Variants in PAX2 observed in about 807,000 individuals in gnomAD.
PAX2 encodes paired box 2, also known as paired box protein Pax-2.
A neutral mutation model predicts 41.7 loss-of-function variants in PAX2; 9 were observed. The ratio of observed to expected loss-of-function variants is 0.22; its 90% CI spans 0.13 to 0.38. The LOEUF (loss-of-function observed/expected upper bound fraction) is 0.38, where lower values mean the gene tolerates loss of function less well. Ranked by LOEUF, PAX2 falls within the 10% of genes least tolerant of loss-of-function variation. The probability of loss-of-function intolerance (pLI) is 1.00; values close to 1 mark genes in which losing one functional copy is unlikely to be tolerated. For synonymous variants in PAX2, 221 were observed against 212.7 expected, an observed-to-expected ratio of 1.04 and a Z score of -0.34; for missense variants, 418 against 531.6, an observed-to-expected ratio of 0.79 and a Z score of 2.10.
At chr10:100,803,515 G>A (rs1284177792) in intron 5 of PAX2, among the ~76,000 whole-genome samples, 1 of 151,992 alleles carries the variant, frequency 6.6e-6, no homozygotes, top group East Asian at 1.9e-4. Context: ...GGGCTGGCTG[G>A]CTGTCCCCCA....
chr10:100,763,246 C>T (rs1379759413), intron 3 of PAX2, among the ~76,000 whole-genome samples: 1 of 152,222 alleles, frequency 6.6e-6, no homozygotes, highest in Non-Finnish European at 1.5e-5. Context: ...TCCCAAACAT[C>T]TGGATGGAAA....
intron 7 of PAX2, among the ~76,000 whole-genome samples, chr10:100,817,378 T>C (rs1848224942): frequency 6.6e-6 from 1 of 152,176 alleles, no homozygotes. Flanking sequence ...CCTGGTGTTA[T>C]CCTAGGATGC....
At chr10:100,751,088 G>C (rs1249469306) in intron 3 of PAX2, among the ~76,000 whole-genome samples, 197 bp downstream of exon 3, 5 of 152,154 alleles carry the variant, frequency 3.3e-5, no homozygotes, top group Admixed American at 3.3e-4. Context: ...CTGCAGTTCA[G>C]GGCTGGGTAT....
At position 100,780,359 on chromosome 10, in the gene PAX2, T is replaced by C. The variant is rs77405861; in HGVS notation, c.496+776T>C. ...GGCCCAAGGAGAAACTTGGTGCTAC[T>C]GTAGCCATAGATGAGGCCCGGGGTT... is the stretch of plus-strand genomic sequence containing the variant. On this transcript the variant is annotated intron_variant, in intron 4 of 9. Coordinates refer to ENST00000355243, the MANE Select transcript of PAX2 (RefSeq NM_000278.5). Among the ~76,000 whole-genome samples the C allele has an allele frequency of 5.8e-3, 884 of 152,332 alleles. 9 individuals are homozygous for C. The highest frequency in any genetic ancestry group is 0.02 in the African/African-American group (845 of 41,572).
In PAX2 at chr10:100,824,924, C is replaced by T; in HGVS notation, c.1021+175C>T. 2.5e-6 allele frequency: 4 copies of T among 1,614,120 alleles called. No individual in the cohort carries two copies. The highest frequency in any genetic ancestry group is 3.4e-6 in the Non-Finnish European group (4 of 1,179,976). Reference sequence around the variant, plus strand: ...TAGAGGCTGCAGTTGGTCCCTCATCCTCCCTCATGAGCAAGCCGGGGAGGA... The same window carrying T: ...TAGAGGCTGCAGTTGGTCCCTCATCTTCCCTCATGAGCAAGCCGGGGAGGA... On this transcript the variant is annotated intron_variant, in intron 8 of 9. Transcript: ENST00000355243. This position sits in a 1 kb window ranked among gnomAD's most constrained non-coding sequence, Gnocchi z 6.6.
rs1395352822 is a variant in PAX2, at chr10:100,809,205, G to T, written c.888G>T (p.Val296=). Residue 296 remains valine, a synonymous_variant, in exon 7 of 10, where the codon GTG becomes GTT. Coordinates refer to ENST00000355243, the MANE Select transcript of PAX2 (RefSeq NM_000278.5). ...CCAACCCTGAGCTGGGCAGCAACGT[G>T]TCAGGCACACAGACATACCCAGTTG... ...ASTNPELGSN[V]SGTQTYPVVT... The T allele has an allele frequency of 3.7e-6, 6 of 1,613,984 alleles. 1 individual carries two copies. Among genetic ancestry groups the T allele is most frequent in the Non-Finnish European group, 5.1e-6 (6 of 1,179,924 alleles).
In PAX2 at chr10:100,745,792, CA is replaced by C. The variant is rs1845139666; in HGVS notation, c.-467del. ...ATTGCTACTTCTCTGCCAACTTCGCCAACTCGCCAGCACTTGGAGAGGCCCG... is the reference window on the plus strand; with the variant it reads ...ATTGCTACTTCTCTGCCAACTTCGCCACTCGCCAGCACTTGGAGAGGCCCG... On this transcript the variant is annotated 5_prime_UTR_variant, in exon 1 of 10. Transcript: ENST00000355243. 5 of 1,069,814 alleles carry C rather than the reference CA, an allele frequency of 4.7e-6. No individual in the cohort carries two copies. Among genetic ancestry groups the C allele is most frequent in the Admixed American group, 1.1e-4 (2 of 18,490 alleles). 66.3% of individuals were successfully genotyped at this position (1,069,814 alleles called of 1,614,324 possible).
chr10:100,819,759 G>A (rs909138745), intron 7 of PAX2, among the ~76,000 whole-genome samples: 2 of 152,208 alleles, frequency 1.3e-5, no homozygotes, highest in African/African-American at 4.8e-5. Flanking sequence ...GATGGTGAAA[G>A]TAGCACAAAT....
At chr10:100,810,678 C>T (rs1396681499) in intron 7 of PAX2, among the ~76,000 whole-genome samples, 1 of 152,254 alleles carries the variant, frequency 6.6e-6, no homozygotes, top group East Asian at 1.9e-4. Flanking sequence ...ACTCCAGGCA[C>T]TGTTCAAAGA....
At chr10:100,735,980 A>G (rs1844769338) in intron 1 of PAX2, among the ~76,000 whole-genome samples, 1 of 152,174 alleles carries the variant, frequency 6.6e-6, no homozygotes, top group Admixed American at 6.5e-5. Context: ...CGCTTGCAGA[A>G]CTTGGCTTTT....
At chr10:100,810,112 T>C (rs1392934170) in intron 7 of PAX2, among the ~76,000 whole-genome samples, 1 of 152,070 alleles carries the variant, frequency 6.6e-6, no homozygotes, top group East Asian at 1.9e-4. Flanking sequence ...TTGAGAAGGG[T>C]CTCGGTGGGG....
intron 3 of PAX2, among the ~76,000 whole-genome samples, chr10:100,766,289 T>C (rs973173865): frequency 6.6e-6 from 1 of 152,234 alleles, no homozygotes; most frequent in Non-Finnish European, 1.5e-5. Context: ...ACCTGCACCC[T>C]AGCAGATGGT....
intron 5 of PAX2, among the ~76,000 whole-genome samples, chr10:100,783,610 T>G (rs907685297): frequency 1.3e-5 from 2 of 150,950 alleles, no homozygotes; most frequent in Admixed American, 1.3e-4. Flanking sequence ...GGAGACAGGT[T>G]AGGGCCACAG....
intron 5 of PAX2, among the ~76,000 whole-genome samples, chr10:100,803,085 C>T (rs1847623663): frequency 6.6e-6 from 1 of 152,118 alleles, no homozygotes; most frequent in Non-Finnish European, 1.5e-5. Flanking sequence ...ACTCTTCCTC[C>T]TTTACTCTCT....
In PAX2 at chr10:100,748,969, T is replaced by C; in HGVS notation, c.44-777T>C. Reference sequence around the variant, plus strand: ...AGGCGAGCCCAAGCAGCCGGCATTCTCTGCCTGCTGCCTGGAGCCGCTCTG... The same window carrying C: ...AGGCGAGCCCAAGCAGCCGGCATTCCCTGCCTGCTGCCTGGAGCCGCTCTG... On this transcript the variant is annotated intron_variant, in intron 1 of 9. Coordinates refer to ENST00000355243, the MANE Select transcript of PAX2 (RefSeq NM_000278.5). This position sits in a 1 kb window ranked among gnomAD's most constrained non-coding sequence, Gnocchi z 5.0. 1.0e-6 allele frequency: 1 copy of C among 985,354 alleles called. No individual in the cohort carries two copies. The allele number at this position is 985,354 out of a possible 1,614,324, so 61.0% of individuals were successfully genotyped here.
Position 100,824,681 on chromosome 10 carries a change from A to AC in PAX2, c.959dup (p.His321SerfsTer56). 1 of 1,607,684 alleles carries AC rather than the reference A, an allele frequency of 6.2e-7. No homozygotes were observed. The highest frequency in any genetic ancestry group is 2.2e-5 in the East Asian group (1 of 44,768). Reference sequence around the variant, plus strand: ...ATGGCGAGCACCACTCTGCCTGGTTACCCCCCTCACGTGCCCCCCACTGGC... The same window carrying AC: ...ATGGCGAGCACCACTCTGCCTGGTTACCCCCCCTCACGTGCCCCCCACTGGC... On this transcript the variant is annotated frameshift_variant, in exon 8 of 10. Transcript: ENST00000355243. LOFTEE classifies it high-confidence loss of function. The surrounding 1 kb of genome is among the most constrained non-coding windows in gnomAD (Gnocchi z 6.6).
intron 6 of PAX2, 103 bp from the exon 7 acceptor site, chr10:100,809,007 C>T: frequency 9.3e-7 from 1 of 1,076,320 alleles, no homozygotes; most frequent in East Asian, 2.4e-5. Flanking sequence ...CTCTTTCTAC[C>T]CCATCTGGGC....
At chr10:100,762,508 A>C (rs1700443163) in intron 3 of PAX2, among the ~76,000 whole-genome samples, 1 of 152,182 alleles carries the variant, frequency 6.6e-6, no homozygotes, top group Non-Finnish European at 1.5e-5. Context: ...GGTAATCCTA[A>C]ATGCTACTGA....
intron 7 of PAX2, among the ~76,000 whole-genome samples, chr10:100,812,207 T>C (rs1848013133): frequency 6.6e-6 from 1 of 152,220 alleles, no homozygotes; most frequent in African/African-American, 2.4e-5. Context: ...GGGTAGTGTT[T>C]GCAAGTTCTG....
Sources: allele counts gnomAD v4.1 joint callset (sites outside exome capture counted in the v4.1 genomes callset), GRCh38; gene constraint gnomAD v4.1.1; non-coding constraint Gnocchi (gnomAD v3.1); transcripts MANE v1.5; gene names NCBI Gene and HGNC (gene_info 2026-07-23, HGNC 2026-07-21).